The following SON variants were observed in gnomAD, a reference collection of about 807,000 sequenced individuals.
SON encodes the protein protein SON.
A neutral mutation model predicts 173.3 loss-of-function variants in SON; 4 were observed. The observed-to-expected ratio is 0.02, with a 90% CI of 0.01 to 0.05. SON has a LOEUF of 0.05. SON is among the 10% of genes least tolerant of loss of function. SON has a pLI of 1.00. For synonymous variants in SON, 1,190 were observed against 1,105.9 expected, an observed-to-expected ratio of 1.08 and a Z score of -1.51; for missense variants, 2,626 against 3,055.3, an observed-to-expected ratio of 0.86 and a Z score of 3.31.
At chr21:33,545,977 C>T (rs921476123) in intron 1 of SON, among the ~76,000 whole-genome samples, 6 of 152,116 alleles carry the variant, frequency 3.9e-5, no homozygotes, top group Admixed American at 2.0e-4. Flanking sequence ...AAAGAGTGTA[C>T]TTAGAAACCT....
At position 33,550,996 on chromosome 21, in the gene SON, G is replaced by T; in HGVS notation, c.1765G>T (p.Val589Leu). The change falls in exon 3 of 12, where the codon GTG becomes TTG. Residue 589 changes from valine (V) to leucine (L), a missense_variant. By Grantham distance (32) the Val-to-Leu change is conservative. Around this residue, in one of 13 missense-constraint regions of SON, gnomAD observed 757 missense variants for 730.1 expected, o/e 1.04. Coordinates refer to ENST00000356577, the MANE Select transcript of SON (RefSeq NM_138927.4). ...TRALELSGQPVATGALELPGP... is the reference protein window; with the variant it reads ...TRALELSGQPLATGALELPGP... ...GGCACTGGAGTTGTCGGGGCAGCCT[G>T]TGGCAACTGGGGCACTAGAGTTGCC... 6.2e-7 allele frequency: 1 copy of T among 1,605,894 alleles called. No homozygotes were observed. The highest frequency in any genetic ancestry group is 1.1e-5 in the South Asian group (1 of 90,350).
At position 33,554,665 on chromosome 21, in the gene SON, G is replaced by A; in HGVS notation, c.5434G>A (p.Gly1812Arg). Reference protein sequence around the residue: ...KSKKNKNRDKGEKEKKRDSSL... With the variant: ...KSKKNKNRDKREKEKKRDSSL... ...CAAGAAAAATAAGAACCGTGATAAGGGGGAGAAAGAGAAGAAAAGAGACTC... is the reference window on the plus strand; with the variant it reads ...CAAGAAAAATAAGAACCGTGATAAGAGGGAGAAAGAGAAGAAAAGAGACTC... The change falls in exon 3 of 12, where the codon GGG (glycine) becomes AGG (arginine). Residue 1812 changes from glycine to arginine, a missense_variant. Transcript: ENST00000356577. 1 of 1,613,852 alleles carries A rather than the reference G, an allele frequency of 6.2e-7. No homozygotes were observed. Among genetic ancestry groups the A allele is most frequent in the Non-Finnish European group, 8.5e-7 (1 of 1,179,998 alleles).
intron 4 of SON, chr21:33,557,800 T>G (rs2085996482): frequency 9.4e-7 from 1 of 1,064,500 alleles, no homozygotes; most frequent in East Asian, 3.0e-5. Context: ...CATTTCGGGT[T>G]TTGGCTGTTT....
Position 33,550,810 on chromosome 21 carries a change from C to T in SON, c.1579C>T (p.His527Tyr), listed in dbSNP as rs1002617293. 4 of 1,613,990 alleles carry T rather than the reference C, an allele frequency of 2.5e-6. No homozygotes were observed. Among genetic ancestry groups the T allele is most frequent in the African/African-American group, 2.7e-5 (2 of 74,932 alleles). Residue 527 changes from histidine (H) to tyrosine (Y), a missense_variant, in exon 3 of 12, where the codon CAT becomes TAT. His to Tyr is a moderately conservative substitution (Grantham distance 83, BLOSUM62 2). Around this residue, in one of 13 missense-constraint regions of SON, gnomAD observed 757 missense variants for 730.1 expected, o/e 1.04. Coordinates refer to ENST00000356577, the MANE Select transcript of SON (RefSeq NM_138927.4). ...GATGACAACGGTGGAACATCCTGGG[C>T]ATCCTGAGGTGACAACGGCAACAGG... is the stretch of plus-strand genomic sequence containing the variant. ...VGMTTVEHPG[H>Y]PEVTTATGLL...
At chr21:33,574,093 T>C (rs2086347235) in intron 9 of SON, among the ~76,000 whole-genome samples, 1 of 152,234 alleles carries the variant, frequency 6.6e-6, no homozygotes, top group Admixed American at 6.5e-5. Context: ...TGTATGTAGT[T>C]GCTAAGTATT....
intron 7 of SON, among the ~76,000 whole-genome samples, chr21:33,567,930 T>A (rs2086206167): frequency 6.6e-6 from 1 of 151,866 alleles, no homozygotes; most frequent in Non-Finnish European, 1.5e-5. Context: ...AAAGAGTGAT[T>A]AAGTGATATC....
Position 33,559,474 on chromosome 21 carries a change from A to C in SON, c.6468+98A>C, listed in dbSNP as rs2086029291. 6.8e-6 allele frequency: 10 copies of C among 1,478,980 alleles called. No individual in the cohort carries two copies. The Admixed American group carries it at 8.9e-5, about 13-fold the overall frequency. The allele number at this position is 1,478,980 out of a possible 1,614,324, so 91.6% of individuals were successfully genotyped here. On this transcript the variant is annotated intron_variant, in intron 5 of 11. Transcript: ENST00000356577. This position sits in a 1 kb window ranked among gnomAD's most constrained non-coding sequence, Gnocchi z 4.1. ...TTTAGTTTATTAATTTTTGTTTTAA[A>C]TACTGTGAGAAATAATGGATAATAT...
At position 33,576,593 on chromosome 21, in the gene SON, A is replaced by T; in HGVS notation, c.*169A>T. ...CGTAGATAGATTGAGGTTTTATAAT[A>T]ATCATTTCAGAATTTTACTCTGCAT... On this transcript the variant is annotated 3_prime_UTR_variant, in exon 12 of 12. Coordinates refer to ENST00000356577, the MANE Select transcript of SON (RefSeq NM_138927.4). 3 of 717,910 alleles carry T rather than the reference A, an allele frequency of 4.2e-6. No individual in the cohort carries two copies. 44.5% of individuals were successfully genotyped at this position (717,910 alleles called of 1,614,324 possible).
Position 33,554,631 on chromosome 21 carries a change from C to G in SON, c.5400C>G (p.His1800Gln), listed in dbSNP as rs201359372. The change falls in exon 3 of 12, where the codon CAC becomes CAG. Residue 1800 changes from histidine to glutamine, a missense_variant. His to Gln is a conservative substitution (Grantham distance 24). Transcript: ENST00000356577. ...TTTTTGTAAAAGTTAAGGACACTCACGAAAAAAGCAAGAAAAATAAGAACC... is the reference window on the plus strand; with the variant it reads ...TTTTTGTAAAAGTTAAGGACACTCAGGAAAAAAGCAAGAAAAATAAGAACC... ...YEIFVKVKDT[H>Q]EKSKKNKNRD... 2 of 1,612,314 alleles carry G rather than the reference C, an allele frequency of 1.2e-6. No individual in the cohort carries two copies. The highest frequency in any genetic ancestry group is 1.7e-6 in the Non-Finnish European group (2 of 1,179,646).
In SON at chr21:33,549,804, A is replaced by G; in HGVS notation, c.573A>G (p.Val191=). The change falls in exon 3 of 12, where the codon GTA becomes GTG. Residue 191 remains valine, a synonymous_variant. Coordinates refer to ENST00000356577, the MANE Select transcript of SON (RefSeq NM_138927.4). The part of the protein sequence containing the change: ...ESPAVVLEPP[V]VSMEVSEPHI... ...CTGCAGTTGTGCTAGAACCTCCTGT[A>G]GTATCAATGGAGGTATCAGAGCCAC... 1 of 1,614,034 alleles carries G rather than the reference A, an allele frequency of 6.2e-7. No individual in the cohort carries two copies. Among genetic ancestry groups the G allele is most frequent in the Non-Finnish European group, 8.5e-7 (1 of 1,179,862 alleles).
intron 2 of SON, among the ~76,000 whole-genome samples, chr21:33,547,683 T>G (rs2085651925): frequency 6.6e-6 from 1 of 151,542 alleles, no homozygotes; most frequent in Non-Finnish European, 1.5e-5. Flanking sequence ...ATGTCAAGTG[T>G]TGATTTATTT....
At chr21:33,571,037 A>AC (rs1309533305) in intron 8 of SON, among the ~76,000 whole-genome samples, 3 of 152,150 alleles carry the variant, frequency 2.0e-5, no homozygotes, top group African/African-American at 7.2e-5. Flanking sequence ...GTTTAGTAGC[A>AC]CCTTGAAAAA....
rs2085617937 is a variant in SON, at chr21:33,546,392, T to C, written c.244+13T>C. On this transcript the variant is annotated intron_variant, in intron 2 of 11. Transcript: ENST00000356577. ...CGATATAAGCCAGGTAAGTTGGAGA[T>C]AATTAACTGTCTCAAAAATTTTCTT... 1 of 1,573,866 alleles carries C rather than the reference T, an allele frequency of 6.4e-7. No individual in the cohort carries two copies. The highest frequency in any genetic ancestry group is 8.6e-7 in the Non-Finnish European group (1 of 1,167,624).
rs1225847613 is a variant in SON, at chr21:33,554,084, C to G, written c.4853C>G (p.Ser1618Cys). The change falls in exon 3 of 12, where the codon TCT becomes TGT. Residue 1618 changes from serine (S) to cysteine (C), a missense_variant. Physicochemically the swap from Ser to Cys is moderately radical, Grantham distance 112 (BLOSUM62 -1). Around this residue, in one of 13 missense-constraint regions of SON, gnomAD observed 1,006 missense variants for 895.6 expected, o/e 1.12. Transcript: ENST00000356577. ...TSKGIEFTTA[S>C]TLSLVNKYDV... ...AAGGGTATTGAATTTACCACAGCATCTACTCTCAGTTTAGTTAATAAATAT... is the reference window on the plus strand; with the variant it reads ...AAGGGTATTGAATTTACCACAGCATGTACTCTCAGTTTAGTTAATAAATAT... 2 of 1,614,022 alleles carry G rather than the reference C, an allele frequency of 1.2e-6. No individual in the cohort carries two copies. The highest frequency in any genetic ancestry group is 1.7e-6 in the Non-Finnish European group (2 of 1,179,926).
intron 1 of SON, among the ~76,000 whole-genome samples, chr21:33,544,517 GTTA>G (rs1193783229): frequency 6.6e-6 from 1 of 151,910 alleles, no homozygotes; most frequent in Non-Finnish European, 1.5e-5. Context: ...AAAAACTCAC[GTTA>G]TTGATATTCT....
rs755119389 is a variant in SON at position 33,559,894 on chromosome 21, G to C, written c.6657+119G>C. ...CTTCTTAGGGCCGGGTTAAACGGCA[G>C]GGCCGGGTTAGACGACAGATGAAAC... On this transcript the variant is annotated intron_variant, in intron 6 of 11. Coordinates refer to ENST00000356577, the MANE Select transcript of SON (RefSeq NM_138927.4). The surrounding 1 kb of genome is among the most constrained non-coding windows in gnomAD (Gnocchi z 4.1). The C allele has an allele frequency of 6.2e-7, 1 of 1,608,004 alleles. No homozygotes were observed. Among genetic ancestry groups the C allele is most frequent in the Non-Finnish European group, 8.5e-7 (1 of 1,175,354 alleles).
rs1475562109 is a variant in SON at position 33,553,938 on chromosome 21, C to A, written c.4707C>A (p.Thr1569=). 1 of 1,614,082 alleles carries A rather than the reference C, an allele frequency of 6.2e-7. No individual in the cohort carries two copies. Among genetic ancestry groups the A allele is most frequent in the African/African-American group, 1.3e-5 (1 of 75,020 alleles). The part of the protein sequence containing the change: ...GEIGEEKILP[T]SETKQRTVLD... The stretch of plus-strand genomic sequence containing the variant: ...TTGGTGAAGAGAAAATTTTGCCCAC[C>A]AGTGAGACTAAACAGCGCACAGTAT... Residue 1569 remains threonine (T), a synonymous_variant, in exon 3 of 12, where the codon ACC becomes ACA. Coordinates refer to ENST00000356577, the MANE Select transcript of SON (RefSeq NM_138927.4).
In SON at chr21:33,554,077, A is replaced by G. The variant is rs1226602368; in HGVS notation, c.4846A>G (p.Thr1616Ala). 1.2e-6 allele frequency: 2 copies of G among 1,614,084 alleles called. No homozygotes were observed. The highest frequency in any genetic ancestry group is 1.1e-5 in the South Asian group (1 of 91,084). The change falls in exon 3 of 12, where the codon ACA becomes GCA. Residue 1616 changes from threonine to alanine, a missense_variant. Thr to Ala is a moderately conservative substitution (Grantham distance 58, BLOSUM62 0). Coordinates refer to ENST00000356577, the MANE Select transcript of SON (RefSeq NM_138927.4). Reference sequence around the variant, plus strand: ...AACTAGTAAGGGTATTGAATTTACCACAGCATCTACTCTCAGTTTAGTTAA... The same window carrying G: ...AACTAGTAAGGGTATTGAATTTACCGCAGCATCTACTCTCAGTTTAGTTAA... ...TGTSKGIEFT[T>A]ASTLSLVNKY...
intron 8 of SON, among the ~76,000 whole-genome samples, chr21:33,571,163 T>TA (rs2086276088): frequency 6.6e-6 from 1 of 152,190 alleles, no homozygotes; most frequent in Admixed American, 6.5e-5. Context: ...AAGTAGCACT[T>TA]AAAGGAAAAG....
Sources: allele counts gnomAD v4.1 joint callset (sites outside exome capture counted in the v4.1 genomes callset), GRCh38; gene constraint gnomAD v4.1.1; regional missense constraint gnomAD v4.1.1; non-coding constraint Gnocchi (gnomAD v3.1); transcripts MANE v1.5; gene names NCBI Gene and HGNC (gene_info 2026-07-23, HGNC 2026-07-21).